The following RNF20 variants were observed in gnomAD, a reference collection of about 807,000 sequenced individuals.
RNF20 encodes the protein ring finger protein 20, also known as E3 ubiquitin-protein ligase BRE1A.
In RNF20, 84 loss-of-function variants were observed where a neutral mutation model predicts 126.2. The observed-to-expected ratio is 0.67, with a 90% CI of 0.56 to 0.80. The LOEUF is 0.80. Among genes scored for constraint, RNF20 ranks in the 30% least tolerant of loss-of-function variants. The pLI is 0.00. For missense variants in RNF20, 869 were observed against 1,188.2 expected (o/e 0.73, Z 3.95); for synonymous variants, 400 against 414.3 (o/e 0.97, Z 0.42).
At chr9:101,555,584 A>C (rs540391380) in intron 15 of RNF20, among the ~76,000 whole-genome samples, 10 of 152,170 alleles carry the variant, frequency 6.6e-5, no homozygotes, top group Non-Finnish European at 1.2e-4. Flanking sequence ...GAGTAGGTTT[A>C]ATGGTAAGTT....
chr9:101,540,678 G>T, intron 4 of RNF20, 41 bp downstream of exon 4: 1 of 1,608,686 alleles, frequency 6.2e-7, no homozygotes, highest in East Asian at 2.2e-5. Flanking sequence ...ATGCTATCTG[G>T]GTTTTTAAAG....
intron 5 of RNF20, 81 bp from the exon 6 acceptor site, chr9:101,544,686 G>A (rs1168160129): frequency 3.9e-5 from 36 of 932,032 alleles, no homozygotes; most frequent in East Asian, 2.5e-5. Flanking sequence ...CAGCCTGGGC[G>A]ATAGAGCAAG....
intron 9 of RNF20, among the ~76,000 whole-genome samples, chr9:101,549,252 T>C (rs995463171): frequency 2.6e-5 from 4 of 152,166 alleles, no homozygotes; most frequent in Non-Finnish European, 5.9e-5. Context: ...GCAAGCCATC[T>C]CCAATCGTAG....
At chr9:101,535,253 AAG>A (rs1460606020) in intron 1 of RNF20, 143 bp from the exon 2 acceptor site, 2 of 515,162 alleles carry the variant, frequency 3.9e-6, no homozygotes, top group African/African-American at 2.0e-5. Context: ...TTTTTCCTCA[AAG>A]AGAAATATGG....
chr9:101,552,893 G>A, intron 13 of RNF20, 140 bp downstream of exon 13: 1 of 894,420 alleles, frequency 1.1e-6, no homozygotes, highest in South Asian at 1.9e-5. Context: ...TTCAAGTCGT[G>A]TTCAAGTGCA....
At chr9:101,534,564 A>C (rs1407545272) in intron 1 of RNF20, among the ~76,000 whole-genome samples, 1 of 152,176 alleles carries the variant, frequency 6.6e-6, no homozygotes, top group Non-Finnish European at 1.5e-5. Context: ...TTCTATAATT[A>C]TATCATCCAT....
intron 9 of RNF20, 23 bp from the exon 10 acceptor site, chr9:101,550,583 A>T (rs747753262): frequency 1.2e-6 from 2 of 1,602,976 alleles, no homozygotes; most frequent in African/African-American, 1.3e-5. Context: ...TCTGCTTCTG[A>T]CTTTGCTTTG....
intron 15 of RNF20, 29 bp downstream of exon 15, chr9:101,554,872 T>A: frequency 7.3e-7 from 1 of 1,378,732 alleles, no homozygotes; most frequent in Non-Finnish European, 9.5e-7. Context: ...TTTAATTGAC[T>A]TTTTGAGTAA....
chr9:101,554,546 G>A, intron 14 of RNF20, 148 bp from the exon 15 acceptor site: 1 of 544,292 alleles, frequency 1.8e-6, no homozygotes, highest in Non-Finnish European at 3.1e-6. Flanking sequence ...ATGGTGTTAT[G>A]TAATGTTTTA....
At chr9:101,540,170 T>C in intron 2 of RNF20, 33 bp from the exon 3 acceptor site, 2 of 1,593,798 alleles carry the variant, frequency 1.3e-6, no homozygotes, top group South Asian at 2.2e-5. Context: ...CTTATTTCTT[T>C]GTGGAGACTA....
rs184749602 is a variant in RNF20, at chr9:101,547,573, C to T, written c.1092+55C>T. On this transcript the variant is annotated intron_variant, in intron 9 of 19. Coordinates refer to ENST00000389120, the MANE Select transcript of RNF20 (RefSeq NM_019592.7). Reference sequence around the variant, plus strand: ...ATCAGACGTTCTGCTGATCAACTCACGTATATACATAGTTGTGAATCTGCG... The same window carrying T: ...ATCAGACGTTCTGCTGATCAACTCATGTATATACATAGTTGTGAATCTGCG... The T allele has an allele frequency of 2.3e-5, 37 of 1,598,190 alleles. No individual in the cohort carries two copies. In the Admixed American group the frequency reaches 2.7e-4, roughly 12 times the overall value.
chr9:101,556,765 A>T (rs972078642), intron 15 of RNF20, among the ~76,000 whole-genome samples: 2 of 152,156 alleles, frequency 1.3e-5, no homozygotes, highest in South Asian at 2.1e-4. Flanking sequence ...AAAGTAAAAA[A>T]TATTTTTAAC....
chr9:101,547,715 G>A (rs1394284560), intron 9 of RNF20, among the ~76,000 whole-genome samples, 197 bp downstream of exon 9: 1 of 152,114 alleles, frequency 6.6e-6, no homozygotes, highest in Non-Finnish European at 1.5e-5. Flanking sequence ...TATAAAACAA[G>A]CCCACAGCCA....
Position 101,537,314 on chromosome 9 carries a change from G to A in RNF20, c.129+1762G>A, listed in dbSNP as rs1008200406. ...AACTCACATGAAAGATAGGAGGGAG[G>A]ATCATCCCAGGATTTTGAAAGTAAT... On this transcript the variant is annotated intron_variant, in intron 2 of 19. Transcript: ENST00000389120. 3.3e-5 allele frequency among the ~76,000 whole-genome samples: 5 copies of A among 152,170 alleles called. No homozygotes were observed. In the Middle Eastern group the frequency reaches 9.5e-3, roughly 289 times the overall value.
At chr9:101,535,606 G>A (rs927441071) in intron 2 of RNF20, 54 bp downstream of exon 2, 1 of 1,568,208 alleles carries the variant, frequency 6.4e-7, no homozygotes, top group African/African-American at 1.4e-5. Flanking sequence ...GTTGCAACTT[G>A]AAACTAAAAA....
Position 101,552,503 on chromosome 9 carries a change from A to G in RNF20, c.1651A>G (p.Lys551Glu), listed in dbSNP as rs773852346. The part of the protein sequence containing the change: ...EDLSSQSSAS[K>E]ASQEDANEIK... ...CTTATCCTCCCAGTCCTCAGCTTCA[A>G]AGGCATCTCAGGAGGATGCCAATGA... The change falls in exon 13 of 20, where the codon AAG (lysine) becomes GAG (glutamate). Residue 551 changes from lysine to glutamate, a missense_variant. This residue lies in a region of RNF20 where 231 missense variants were observed against 263.6 expected (regional missense o/e 0.88). Coordinates refer to ENST00000389120, the MANE Select transcript of RNF20 (RefSeq NM_019592.7). 2.5e-6 allele frequency: 4 copies of G among 1,614,038 alleles called. No individual in the cohort carries two copies. Among genetic ancestry groups the G allele is most frequent in the Non-Finnish European group, 3.4e-6 (4 of 1,180,012 alleles).
intron 17 of RNF20, 28 bp downstream of exon 17, chr9:101,560,954 A>G (rs1303696498): frequency 9.3e-6 from 15 of 1,605,550 alleles, no homozygotes; most frequent in Non-Finnish European, 1.3e-5. Flanking sequence ...AATGATGGTT[A>G]GTCTCAGTGG....
chr9:101,557,245 T>G (rs1827550128), intron 15 of RNF20, 139 bp from the exon 16 acceptor site: 2 of 641,794 alleles, frequency 3.1e-6, no homozygotes, highest in African/African-American at 1.8e-5. Flanking sequence ...GTATGCCTAG[T>G]GACAAAACAC....
chr9:101,534,785 AAGAG>A (rs1222579847), intron 1 of RNF20, among the ~76,000 whole-genome samples: 9 of 152,168 alleles, frequency 5.9e-5, no homozygotes, highest in African/African-American at 2.2e-4. Context: ...GCATTACAGG[AAGAG>A]AGATTCCAGA....
Sources: gnomAD v4.1 joint callset for allele counts (sites outside exome capture counted in the v4.1 genomes callset) on GRCh38, gnomAD v4.1.1 for gene constraint, gnomAD v4.1.1 regional missense constraint, MANE v1.5 for transcripts, NCBI Gene and HGNC (gene_info 2026-07-23, HGNC 2026-07-21) for gene names.